The following AKAP13 variants were observed in gnomAD, a reference collection of about 807,000 sequenced individuals.
AKAP13 encodes A-kinase anchor protein 13.
In AKAP13, 80 loss-of-function variants were observed where a neutral mutation model predicts 264.5. That is an observed-to-expected ratio of 0.30 (90% CI 0.25 to 0.36). The LOEUF (loss-of-function observed/expected upper bound fraction) is 0.36. AKAP13 is among the 10% of genes least tolerant of loss of function. The probability of loss-of-function intolerance (pLI) is 1.00; values close to 1 mark genes in which losing one functional copy is unlikely to be tolerated. For synonymous variants in AKAP13, 1,380 were observed against 1,250.2 expected, an observed-to-expected ratio of 1.10 and a Z score of -2.19; for missense variants, 3,712 against 3,435.2, an observed-to-expected ratio of 1.08 and a Z score of -2.01.
At position 85,741,361 on chromosome 15, in the gene AKAP13, C is replaced by G; in HGVS notation, c.7924C>G (p.Gln2642Glu). ...GGAAAAGGAGCGGGAGGAGCTCCAG[C>G]AGAAGAAGGGCACATACCAGTATGA... is the stretch of plus-strand genomic sequence containing the variant. ...DLEKEREELQQKKGTYQYDLE... is the reference protein window; with the variant it reads ...DLEKEREELQEKKGTYQYDLE... The change falls in exon 35 of 37, where the codon CAG becomes GAG. Residue 2642 changes from glutamine to glutamate, a missense_variant. Gln to Glu is a conservative substitution (Grantham distance 29). Coordinates refer to ENST00000394518, the MANE Select transcript of AKAP13 (RefSeq NM_007200.5). 6.2e-7 allele frequency: 1 copy of G among 1,614,020 alleles called. No individual in the cohort carries two copies. The highest frequency in any genetic ancestry group is 8.5e-7 in the Non-Finnish European group (1 of 1,180,018).
At chr15:85,648,703 G>A (rs1201991145) in intron 10 of AKAP13, among the ~76,000 whole-genome samples, 1 of 152,124 alleles carries the variant, frequency 6.6e-6, no homozygotes, top group Non-Finnish European at 1.5e-5. Context: ...GCCAGACATG[G>A]TGGTGCACAC....
chr15:85,387,071 C>T (rs2070602489), intron 1 of AKAP13, among the ~76,000 whole-genome samples: 1 of 151,752 alleles, frequency 6.6e-6, no homozygotes, highest in Middle Eastern at 3.2e-3. Flanking sequence ...TGTGGTGGCT[C>T]ACGCCTGTAA....
rs1180255641 is a variant in AKAP13, at chr15:85,580,070, C to A, written c.2002C>A (p.Gln668Lys). Residue 668 changes from glutamine to lysine, a missense_variant, in exon 7 of 37, where the codon CAA (glutamine) becomes AAA (lysine). By Grantham distance (53) the Gln-to-Lys change is moderately conservative (BLOSUM62 1). This residue lies in a region of AKAP13 where 2,759 missense variants were observed against 2,411.7 expected (regional missense o/e 1.14). Transcript: ENST00000394518. ...DDKLCADSAC[Q>K]QNTVTSSGDL... ...TAAACTTTGTGCAGACTCTGCATGT[C>A]AACAGAACACAGTGACTTCTAGTGG... The A allele has an allele frequency of 1.9e-6, 3 of 1,614,202 alleles. No individual in the cohort carries two copies. Among genetic ancestry groups the A allele is most frequent in the African/African-American group, 2.7e-5 (2 of 75,054 alleles).
chr15:85,565,274 C>T (rs2078565285), intron 5 of AKAP13, among the ~76,000 whole-genome samples: 1 of 151,926 alleles, frequency 6.6e-6, no homozygotes, highest in African/African-American at 2.4e-5. Context: ...GTAGAAATCT[C>T]TATGGACCTT....
intron 1 of AKAP13, among the ~76,000 whole-genome samples, chr15:85,461,315 C>T (rs1316091652): frequency 6.6e-6 from 1 of 152,048 alleles, no homozygotes; most frequent in East Asian, 1.9e-4. Flanking sequence ...GGGGTTTTGC[C>T]ATGTTGGCCA....
intron 8 of AKAP13, among the ~76,000 whole-genome samples, chr15:85,618,811 T>A (rs552178858): frequency 1.3e-5 from 2 of 152,316 alleles, no homozygotes; most frequent in South Asian, 4.2e-4. Flanking sequence ...TCATTTTCTT[T>A]AAATCAACTC....
At position 85,740,263 on chromosome 15, in the gene AKAP13, C is replaced by T. The variant is rs116625624; in HGVS notation, c.7599C>T (p.Ser2533=). 185 of 1,614,064 alleles carry T rather than the reference C, an allele frequency of 1.1e-4. No homozygotes were observed. Among genetic ancestry groups the T allele is most frequent in the East Asian group, 4.5e-4 (20 of 44,886 alleles). Residue 2533 remains serine (S), a synonymous_variant, in exon 34 of 37, where the codon AGC becomes AGT. Transcript: ENST00000394518. Reference sequence around the variant, plus strand: ...TTGTTCATCTCTACGAGCTCCTCAGCGCTCTGCAGGTGCGTGCCTTCATCT... The same window carrying T: ...TTGTTCATCTCTACGAGCTCCTCAGTGCTCTGCAGGTGCGTGCCTTCATCT... ...QSVVHLYELL[S]ALQGVVLQQD... is the part of the protein sequence containing the mutation.
intron 8 of AKAP13, among the ~76,000 whole-genome samples, chr15:85,631,002 G>GAA (rs200406710): frequency 6.9e-6 from 1 of 145,062 alleles, no homozygotes; most frequent in African/African-American, 2.5e-5. Flanking sequence ...GTCAGAAAGT[G>GAA]AAAAAAAAAA....
At chr15:85,545,218 G>A (rs1294279499) in intron 5 of AKAP13, among the ~76,000 whole-genome samples, 6 of 152,270 alleles carry the variant, frequency 3.9e-5, no homozygotes, top group Non-Finnish European at 5.9e-5. Context: ...TTCATTCTAC[G>A]GTTAGCCTCA....
At chr15:85,729,409 T>A (rs2087829962) in intron 29 of AKAP13, among the ~76,000 whole-genome samples, 1 of 151,974 alleles carries the variant, frequency 6.6e-6, no homozygotes. Flanking sequence ...GATGAAGAGT[T>A]GTTGACTGAG....
At chr15:85,450,199 G>A (rs1174608519) in intron 1 of AKAP13, among the ~76,000 whole-genome samples, 2 of 152,022 alleles carry the variant, frequency 1.3e-5, no homozygotes, top group Non-Finnish European at 2.9e-5. Flanking sequence ...TCTAGTTTGT[G>A]TGGGTAGAGG....
At chr15:85,430,656 T>C (rs2072986005) in intron 1 of AKAP13, among the ~76,000 whole-genome samples, 2 of 152,202 alleles carry the variant, frequency 1.3e-5, no homozygotes, top group African/African-American at 4.8e-5. Context: ...CCTTTTGTTC[T>C]AACATGTCAG....
At chr15:85,714,416 G>A (rs912743070) in intron 19 of AKAP13, among the ~76,000 whole-genome samples, 2 of 152,184 alleles carry the variant, frequency 1.3e-5, no homozygotes, top group African/African-American at 4.8e-5. Flanking sequence ...GGGGTCATCT[G>A]TAGTTACAGG....
intron 5 of AKAP13, among the ~76,000 whole-genome samples, chr15:85,546,736 CTTTTTTT>C (rs575680934): frequency 1.4e-5 from 2 of 141,106 alleles, no homozygotes; most frequent in Non-Finnish European, 3.1e-5. Flanking sequence ...TGCTATCTTT[CTTTTTTT>C]TTTTTTTTTC....
rs71468111 is a variant in AKAP13 at position 85,520,498 on chromosome 15, C to CAA, written c.34-907_34-906dup. ...GGGCAACAAGAGGGAAACTCCGTCT[C>CAA]AAAAAAAAAAAAAAAAAAAAAAAAG... On this transcript the variant is annotated intron_variant, in intron 2 of 36. Coordinates refer to ENST00000394518, the MANE Select transcript of AKAP13 (RefSeq NM_007200.5). Among the ~76,000 whole-genome samples the CAA allele has an allele frequency of 7.1e-3, 496 of 69,794 alleles. 1 individual carries two copies. The highest frequency in any genetic ancestry group is 0.031 in the Middle Eastern group (4 of 128). 45.8% of individuals were successfully genotyped at this position (69,794 alleles called of 152,430 possible).
rs2151796894 is a variant in AKAP13 at position 85,745,815 on chromosome 15, A to G, written c.*1138A>G. ...CAGATCTGGAGAGGAGCTGGCCCGG[A>G]AGGCGTGGTTGTGAAAGCGCCCTTC... On this transcript the variant is annotated 3_prime_UTR_variant, in exon 37 of 37. Transcript: ENST00000394518. 1 of 152,406 alleles carries G rather than the reference A, an allele frequency of 6.6e-6. No homozygotes were observed. Among genetic ancestry groups the G allele is most frequent in the African/African-American group, 2.4e-5 (1 of 41,574 alleles). The allele number at this position is 152,406 out of a possible 1,614,324, so 9.4% of individuals were successfully genotyped here.
chr15:85,600,318 T>A (rs1476421581), intron 8 of AKAP13, among the ~76,000 whole-genome samples: 9 of 134,300 alleles, frequency 6.7e-5, no homozygotes, highest in African/African-American at 1.7e-4. Context: ...AGCTTAGATT[T>A]AAAAAAAAAA....
intron 1 of AKAP13, among the ~76,000 whole-genome samples, chr15:85,398,595 G>A (rs568658415): frequency 2.6e-5 from 4 of 152,044 alleles, no homozygotes; most frequent in African/African-American, 9.6e-5. Flanking sequence ...TCACTCTGTC[G>A]CCCAGGCCAG....
At chr15:85,384,787 G>A (rs147260058) in intron 1 of AKAP13, among the ~76,000 whole-genome samples, 112 of 151,858 alleles carry the variant, frequency 7.4e-4, no homozygotes, top group African/African-American at 2.7e-3. Flanking sequence ...TTTGTTTCCT[G>A]CGTTTGTCCT....
Sources: gnomAD v4.1 joint callset for allele counts (sites outside exome capture counted in the v4.1 genomes callset) on GRCh38, gnomAD v4.1.1 for gene constraint, gnomAD v4.1.1 regional missense constraint, MANE v1.5 for transcripts, NCBI Gene and HGNC (gene_info 2026-07-23, HGNC 2026-07-21) for gene names.